Variants in GABRA2 observed in about 807,000 individuals in gnomAD.
The protein encoded by GABRA2 is gamma-aminobutyric acid type A receptor subunit alpha2, also known as gamma-aminobutyric acid receptor subunit alpha-2.
A neutral mutation model predicts 48.7 loss-of-function variants in GABRA2; 16 were observed. The observed-to-expected ratio is 0.33, with a 90% CI of 0.22 to 0.50. The LOEUF is 0.50. Among genes scored for constraint, GABRA2 ranks in the 20% least tolerant of loss-of-function variants. The pLI is 0.98. For missense variants in GABRA2, 275 were observed against 535.6 expected, an observed-to-expected ratio of 0.51 and a Z score of 4.80; for synonymous variants, 185 against 184.5, an observed-to-expected ratio of 1.00 and a Z score of -0.02.
chr4:46,278,484 C>T (rs16859280), intron 8 of GABRA2, among the ~76,000 whole-genome samples: 1,763 of 152,162 alleles, frequency 0.012, 48 homozygotes, highest in African/African-American at 0.04. Flanking sequence ...GTAGTAAGTG[C>T]TTATAGGGCT....
chr4:46,335,096 A>T (rs992225824), intron 3 of GABRA2, among the ~76,000 whole-genome samples: 2 of 152,128 alleles, frequency 1.3e-5, no homozygotes, highest in African/African-American at 4.8e-5. Context: ...ATCAAAACTC[A>T]ATCTTTGGTT....
chr4:46,373,472 T>C (rs1479769950), intron 3 of GABRA2, among the ~76,000 whole-genome samples: 1 of 152,214 alleles, frequency 6.6e-6, no homozygotes, highest in African/African-American at 2.4e-5. Flanking sequence ...CTGATGTATG[T>C]ACTGGAACAG....
chr4:46,340,226 AG>A (rs1732983931), intron 3 of GABRA2, among the ~76,000 whole-genome samples: 1 of 151,892 alleles, frequency 6.6e-6, no homozygotes, highest in African/African-American at 2.4e-5. Context: ...AGATTTATTC[AG>A]ATATAATTTA....
intron 3 of GABRA2, among the ~76,000 whole-genome samples, chr4:46,337,323 A>G (rs1055763157): frequency 3.3e-5 from 5 of 152,104 alleles, no homozygotes; most frequent in African/African-American, 1.2e-4. Context: ...TATCCGAGGC[A>G]GGGAAACTCC....
intron 3 of GABRA2, among the ~76,000 whole-genome samples, chr4:46,336,357 A>G (rs1352181053): frequency 6.6e-6 from 1 of 152,188 alleles, no homozygotes; most frequent in Non-Finnish European, 1.5e-5. Flanking sequence ...GTGAAGTAAC[A>G]AAGCTGAGCA....
intron 3 of GABRA2, 111 bp from the exon 4 acceptor site, chr4:46,332,793 A>C (rs279828): frequency 0.42 from 251,163 of 591,170 alleles, 54,964 homozygotes; most frequent in East Asian, 0.52. Context: ...ATTCGGGAGT[A>C]CTGGGTTTTA....
intron 3 of GABRA2, among the ~76,000 whole-genome samples, chr4:46,356,437 GAAAA>G: frequency 7.2e-6 from 1 of 139,672 alleles, no homozygotes; most frequent in South Asian, 2.3e-4. Flanking sequence ...AACTCACTAA[GAAAA>G]AAAAAAAAAA....
In GABRA2 at chr4:46,258,357, C is replaced by T. The variant is rs76701180; in HGVS notation, c.1059+3569G>A. 4.8e-3 allele frequency among the ~76,000 whole-genome samples: 735 copies of T among 151,898 alleles called. 8 individuals carry two copies. Among genetic ancestry groups the T allele is most frequent in the African/African-American group, 0.016 (670 of 41,514 alleles). On this transcript the variant is annotated intron_variant, in intron 9 of 9. Coordinates refer to ENST00000381620, the MANE Select transcript of GABRA2 (RefSeq NM_000807.4). ...TAATGCAAAAGAACAGAGTACTGCA[C>T]ACACTTATAATGGAGGCCTAATCAT...
chr4:46,345,343 G>A (rs1483409445), intron 3 of GABRA2, among the ~76,000 whole-genome samples: 1 of 151,786 alleles, frequency 6.6e-6, no homozygotes, highest in African/African-American at 2.4e-5. Flanking sequence ...TCTAGTGTCA[G>A]CTCGTTGTCC....
At chr4:46,339,512 C>A (rs1461982076) in intron 3 of GABRA2, among the ~76,000 whole-genome samples, 1 of 151,788 alleles carries the variant, frequency 6.6e-6, no homozygotes, top group Non-Finnish European at 1.5e-5. Context: ...AGTTCACAGT[C>A]ATTTAAAGTA....
intron 9 of GABRA2, among the ~76,000 whole-genome samples, chr4:46,259,349 C>G (rs532780): frequency 6.6e-6 from 1 of 151,510 alleles, no homozygotes; most frequent in Non-Finnish European, 1.5e-5. Flanking sequence ...AATGATAAGA[C>G]TTTCTTGTCT....
intron 3 of GABRA2, among the ~76,000 whole-genome samples, chr4:46,359,923 CA>C (rs538528735): frequency 0.013 from 1,820 of 144,260 alleles, 40 homozygotes; most frequent in African/African-American, 0.044. Flanking sequence ...TCTCAAAAAA[CA>C]AAAAAAAAAA....
At chr4:46,295,500 G>T (rs1724462699) in intron 8 of GABRA2, among the ~76,000 whole-genome samples, 1 of 152,182 alleles carries the variant, frequency 6.6e-6, no homozygotes, top group African/African-American at 2.4e-5. Flanking sequence ...TGGATATGAT[G>T]ATCTTGTCTA....
At chr4:46,289,988 T>G (rs1411655863) in intron 8 of GABRA2, among the ~76,000 whole-genome samples, 1 of 150,742 alleles carries the variant, frequency 6.6e-6, no homozygotes, top group African/African-American at 2.4e-5. Context: ...CTCGGCTCAC[T>G]GCAAGACCCG....
At chr4:46,277,115 C>T (rs948087715) in intron 8 of GABRA2, among the ~76,000 whole-genome samples, 3 of 152,046 alleles carry the variant, frequency 2.0e-5, no homozygotes, top group African/African-American at 2.4e-5. Flanking sequence ...ATTCATAATT[C>T]GTGTGAATTA....
In GABRA2 at chr4:46,346,646, G is replaced by T. The variant is rs1398845375; in HGVS notation, c.188-13964C>A. On this transcript the variant is annotated intron_variant, in intron 3 of 9. Transcript: ENST00000381620. ...TATATTTATTATATTTATTATTGTA[G>T]TTTTCTTTGTTTACATTTATTTTTC... Among the ~76,000 whole-genome samples the T allele has an allele frequency of 2.7e-5, 4 of 148,644 alleles. No individual in the cohort carries two copies. The East Asian group carries it at 5.9e-4, about 22-fold the overall frequency.
chr4:46,337,307 AG>A (rs2109835644), intron 3 of GABRA2, among the ~76,000 whole-genome samples: 1 of 152,220 alleles, frequency 6.6e-6, no homozygotes, highest in African/African-American at 2.4e-5. Context: ...CAAAGAGCAA[AG>A]TAAATATCCG....
chr4:46,357,144 A>G (rs1184243384), intron 3 of GABRA2, among the ~76,000 whole-genome samples: 2 of 151,840 alleles, frequency 1.3e-5, no homozygotes, highest in Admixed American at 1.3e-4. Context: ...TAAAACAGTG[A>G]TCAGGAATAT....
intron 8 of GABRA2, among the ~76,000 whole-genome samples, chr4:46,266,718 C>CTTTTTTTTTTTTTT (rs35380341): frequency 1.1e-5 from 1 of 92,846 alleles, no homozygotes; most frequent in Non-Finnish European, 2.0e-5. Context: ...CAAATATTCT[C>CTTTTTTTTTTTTTT]TTTTTTTTTT....
Sources: allele counts gnomAD v4.1 joint callset (sites outside exome capture counted in the v4.1 genomes callset), GRCh38; gene constraint gnomAD v4.1.1; transcripts MANE v1.5; gene names NCBI Gene and HGNC (gene_info 2026-07-23, HGNC 2026-07-21).